Variants in ARHGEF12 observed in about 807,000 individuals in gnomAD.
The protein encoded by ARHGEF12 is KMT2A/ARHGEF12 fusion protein.
Under a neutral mutation model 211.2 loss-of-function variants are expected in ARHGEF12, and 66 were observed. The observed-to-expected ratio is 0.31, with a 90% confidence interval of 0.26 to 0.38. The LOEUF is 0.38. Ranked by LOEUF, ARHGEF12 falls within the 10% of genes least tolerant of loss-of-function variation. The pLI is 1.00. For missense variants in ARHGEF12, 1,429 were observed against 1,869.5 expected (o/e 0.76, Z 4.34); for synonymous variants, 592 against 638.4 (o/e 0.93, Z 1.09).
chr11:120,449,728 A>G, intron 21 of ARHGEF12: 1 of 152,094 alleles, frequency 6.6e-6, no homozygotes, highest in Middle Eastern at 3.2e-3. Context: ...AAGAAAAAAA[A>G]AAAACGAAAA....
At position 120,486,688 on chromosome 11, in the gene ARHGEF12, T is replaced by G. The variant is rs1253786319; in HGVS notation, c.*1611T>G. The G allele has an allele frequency of 4.5e-6, 1 of 221,630 alleles. No individual in the cohort carries two copies. Among genetic ancestry groups the G allele is most frequent in the South Asian group, 1.8e-4 (1 of 5,406 alleles). 13.7% of individuals were successfully genotyped at this position (221,630 alleles called of 1,614,324 possible). ...ACTCTGTGGGTTGCTAGGATGTAAT[T>G]TTAATGCTTCCCTGCAGTCCAAAGA... On this transcript the variant is annotated 3_prime_UTR_variant, in exon 41 of 41. Coordinates refer to ENST00000397843, the MANE Select transcript of ARHGEF12 (RefSeq NM_015313.3).
chr11:120,344,121 C>T (rs1942620630), intron 1 of ARHGEF12, among the ~76,000 whole-genome samples: 1 of 151,764 alleles, frequency 6.6e-6, no homozygotes, highest in South Asian at 2.1e-4. Context: ...CAAAAATGAG[C>T]CGGACCAGGT....
At chr11:120,431,477 C>T (rs1279181874) in intron 10 of ARHGEF12, among the ~76,000 whole-genome samples, 6 of 152,054 alleles carry the variant, frequency 3.9e-5, no homozygotes, top group East Asian at 1.9e-4. Context: ...ATATAAATTA[C>T]ATAAATTAAC....
intron 1 of ARHGEF12, among the ~76,000 whole-genome samples, chr11:120,341,374 C>T (rs1052630704): frequency 1.4e-5 from 1 of 72,668 alleles, no homozygotes; most frequent in Non-Finnish European, 2.7e-5. Flanking sequence ...TTTGTTGTTG[C>T]TGTTGTTGTT....
intron 1 of ARHGEF12, among the ~76,000 whole-genome samples, chr11:120,339,192 T>C (rs529922333): frequency 6.6e-6 from 1 of 152,028 alleles, no homozygotes; most frequent in Non-Finnish European, 1.5e-5. Context: ...TAAGCACTGC[T>C]GAGACCTGTT....
chr11:120,473,994 C>T lies in ARHGEF12; in HGVS notation c.3034-566C>T, dbSNP rs1046653690. 5.3e-5 allele frequency among the ~76,000 whole-genome samples: 8 copies of T among 152,108 alleles called. No homozygotes were observed. The East Asian group carries it at 1.3e-3, about 26-fold the overall frequency. Reference sequence around the variant, plus strand: ...TATATTAATACTTCGTCAACAAGCACGTAAATGTGCTTATTCCCCTTAGCT... The same window carrying T: ...TATATTAATACTTCGTCAACAAGCATGTAAATGTGCTTATTCCCCTTAGCT... On this transcript the variant is annotated intron_variant, in intron 31 of 40. Coordinates refer to ENST00000397843, the MANE Select transcript of ARHGEF12 (RefSeq NM_015313.3).
intron 1 of ARHGEF12, among the ~76,000 whole-genome samples, chr11:120,342,097 A>T (rs1275679709): frequency 6.6e-6 from 1 of 152,062 alleles, no homozygotes; most frequent in East Asian, 1.9e-4. Flanking sequence ...TTTAACCTAG[A>T]TTTTCTGGCT....
intron 15 of ARHGEF12, among the ~76,000 whole-genome samples, chr11:120,442,410 G>A (rs907365638): frequency 6.9e-6 from 1 of 144,158 alleles, no homozygotes; most frequent in African/African-American, 2.6e-5. Flanking sequence ...GGTTTTAGGG[G>A]ATTATATATA....
rs994540303 is a variant in ARHGEF12, at chr11:120,489,709, A to G, written c.*4632A>G. On this transcript the variant is annotated 3_prime_UTR_variant, in exon 41 of 41. Transcript: ENST00000397843. ...AATAAAATGCTTAGTAGTTTATACC[A>G]TCTTTTAGTTAAACATTTTAAAGAT... 12 of 203,890 alleles carry G rather than the reference A, an allele frequency of 5.9e-5. No individual in the cohort carries two copies. Among genetic ancestry groups the G allele is most frequent in the African/African-American group, 2.3e-4 (10 of 43,754 alleles). The allele number at this position is 203,890 out of a possible 1,614,324, so 12.6% of individuals were successfully genotyped here. A position where few individuals can be genotyped will look rare whatever the true frequency, so the allele number is the denominator to read the frequency against.
At chr11:120,437,958 T>C (rs1189910661) in intron 12 of ARHGEF12, among the ~76,000 whole-genome samples, 1 of 152,230 alleles carries the variant, frequency 6.6e-6, no homozygotes, top group Non-Finnish European at 1.5e-5. Context: ...TACACCACAT[T>C]TTGTTTATCT....
chr11:120,337,777 T>C (rs1388163298), intron 1 of ARHGEF12: 1 of 985,370 alleles, frequency 1.0e-6, no homozygotes, highest in Non-Finnish European at 1.2e-6. Flanking sequence ...GCACGGTGTT[T>C]AATTATTATC....
chr11:120,421,545 C>T (rs1450558768), intron 5 of ARHGEF12, among the ~76,000 whole-genome samples: 1 of 149,430 alleles, frequency 6.7e-6, no homozygotes, highest in Non-Finnish European at 1.5e-5. Flanking sequence ...TAAAGCGACT[C>T]TCCTGCCTCA....
chr11:120,433,973 A>G (rs1374151481), intron 11 of ARHGEF12, among the ~76,000 whole-genome samples: 1 of 152,196 alleles, frequency 6.6e-6, no homozygotes, highest in Non-Finnish European at 1.5e-5. Flanking sequence ...TGGGTAAAAA[A>G]AAAAGAGTGA....
At chr11:120,371,380 C>T (rs1033188738) in intron 1 of ARHGEF12, among the ~76,000 whole-genome samples, 5 of 152,128 alleles carry the variant, frequency 3.3e-5, no homozygotes, top group Non-Finnish European at 7.4e-5. Flanking sequence ...CCCAGCTACT[C>T]GGGAGGCTGA....
intron 1 of ARHGEF12, chr11:120,385,422 C>T (rs1944000398): frequency 1.0e-6 from 1 of 985,152 alleles, no homozygotes; most frequent in South Asian, 4.7e-5. Flanking sequence ...ATTTCATTTT[C>T]TTCTACTCCA....
intron 14 of ARHGEF12, 75 bp from the exon 15 acceptor site, chr11:120,442,029 A>T: frequency 9.2e-7 from 1 of 1,083,076 alleles, no homozygotes; most frequent in African/African-American, 1.6e-5. Context: ...AGACATTCCT[A>T]CTCAATGGTG....
chr11:120,346,066 A>C (rs1942710673), intron 1 of ARHGEF12, among the ~76,000 whole-genome samples: 1 of 152,222 alleles, frequency 6.6e-6, no homozygotes, highest in African/African-American at 2.4e-5. Context: ...GTATTCCTAC[A>C]CACCTGTTAG....
At chr11:120,338,303 T>C (rs1942419565) in intron 1 of ARHGEF12, among the ~76,000 whole-genome samples, 1 of 152,206 alleles carries the variant, frequency 6.6e-6, no homozygotes, top group African/African-American at 2.4e-5. Flanking sequence ...CAATAGTGCT[T>C]CTGCACAAAG....
chr11:120,481,322 G>A lies in ARHGEF12; in HGVS notation c.4300G>A (p.Ala1434Thr). Residue 1434 changes from alanine (A) to threonine (T), a missense_variant, in exon 39 of 41, where the codon GCT becomes ACT. This residue lies in a region of ARHGEF12 where 467 missense variants were observed against 468.4 expected (regional missense o/e 1.00). Transcript: ENST00000397843. ...GGAGAGTTCCACAGATGAGGAGGTT[G>A]CTTCCTCACTTACCCTGCAGCCCAT... Reference protein sequence around the residue: ...VQESSTDEEVASSLTLQPMTG... With the variant: ...VQESSTDEEVTSSLTLQPMTG... 3.1e-6 allele frequency: 5 copies of A among 1,614,152 alleles called. No homozygotes were observed. Among genetic ancestry groups the A allele is most frequent in the Non-Finnish European group, 4.2e-6 (5 of 1,180,020 alleles).
Sources: gnomAD v4.1 joint callset for allele counts (sites outside exome capture counted in the v4.1 genomes callset) on GRCh38, gnomAD v4.1.1 for gene constraint, gnomAD v4.1.1 regional missense constraint, MANE v1.5 for transcripts, NCBI Gene and HGNC (gene_info 2026-07-23, HGNC 2026-07-21) for gene names.